The following EYS variants were observed in gnomAD, a reference collection of about 807,000 sequenced individuals.
EYS encodes protein eyes shut homolog.
Under a neutral mutation model 282.1 loss-of-function variants are expected in EYS, and 250 were observed. The observed-to-expected ratio is 0.89, with a 90% confidence interval of 0.80 to 0.98. The LOEUF (loss-of-function observed/expected upper bound fraction) is 0.98, where lower values mean the gene tolerates loss of function less well. Ranked by LOEUF, EYS falls within the 50% of genes least tolerant of loss-of-function variation. The probability of loss-of-function intolerance (pLI) is 0.00; values close to 1 mark genes in which losing one functional copy is unlikely to be tolerated. For missense variants in EYS, 4,016 were observed against 3,709.0 expected (o/e 1.08, Z -2.15); for synonymous variants, 1,355 against 1,282.9 (o/e 1.06, Z -1.20).
chr6:64,478,779 ATAATC>A (rs1176215070), intron 26 of EYS, among the ~76,000 whole-genome samples: 4 of 151,168 alleles, frequency 2.6e-5, no homozygotes, highest in African/African-American at 9.7e-5. Flanking sequence ...TTATTTAAAA[ATAATC>A]TATAGTATAA....
At chr6:65,368,996 C>T (rs546832511) in intron 8 of EYS, among the ~76,000 whole-genome samples, 10 of 151,332 alleles carry the variant, frequency 6.6e-5, no homozygotes, top group African/African-American at 2.4e-4. Flanking sequence ...TTATTTTATG[C>T]TTAATACATC....
intron 31 of EYS, among the ~76,000 whole-genome samples, chr6:64,171,862 C>T (rs372965472): frequency 2.4e-4 from 37 of 152,254 alleles, no homozygotes; most frequent in Admixed American, 6.5e-4. Context: ...CCTGCACAGC[C>T]GGGCTATCAC....
intron 1 of EYS, among the ~76,000 whole-genome samples, chr6:65,699,651 C>T (rs373337217): frequency 2.6e-5 from 4 of 152,086 alleles, no homozygotes; most frequent in Admixed American, 6.5e-5. Flanking sequence ...AGCAAACAGT[C>T]GAGAGAGAAG....
chr6:64,620,994 C>T (rs933553649), intron 23 of EYS, among the ~76,000 whole-genome samples: 2 of 151,980 alleles, frequency 1.3e-5, no homozygotes, highest in Non-Finnish European at 2.9e-5. Context: ...TGACACATTG[C>T]AATAAAATTG....
intron 2 of EYS, among the ~76,000 whole-genome samples, chr6:65,631,044 T>G (rs561051950): frequency 1.3e-5 from 2 of 152,226 alleles, no homozygotes; most frequent in Non-Finnish European, 2.9e-5. Flanking sequence ...ATTTTTCATT[T>G]AAATTATTAA....
intron 35 of EYS, among the ~76,000 whole-genome samples, chr6:63,867,373 AC>A (rs1221513415): frequency 6.6e-6 from 1 of 152,114 alleles, no homozygotes; most frequent in Admixed American, 6.6e-5. Context: ...CCACATAGAA[AC>A]CTTTTTTTGG....
At chr6:64,005,738 T>C (rs1768314015) in intron 33 of EYS, among the ~76,000 whole-genome samples, 1 of 152,142 alleles carries the variant, frequency 6.6e-6, no homozygotes, top group African/African-American at 2.4e-5. Flanking sequence ...CCTTTCCCAT[T>C]GCTTTTTTTG....
intron 5 of EYS, among the ~76,000 whole-genome samples, chr6:65,485,098 A>G (rs377534643): frequency 3.2e-4 from 48 of 152,312 alleles, no homozygotes; most frequent in African/African-American, 1.1e-3. Flanking sequence ...TACAATAAAT[A>G]CTTACTTTTT....
chr6:64,862,140 C>G lies in EYS; in HGVS notation c.2992+24557G>C, dbSNP rs578058571. ...TTCATCTCACTCTCTTTCTACTTCT[C>G]TGATTTCGCATGTGAAGTCAGGTGC... On this transcript the variant is annotated intron_variant, in intron 19 of 42. Coordinates refer to ENST00000503581, the MANE Select transcript of EYS (RefSeq NM_001142800.2). Among the ~76,000 whole-genome samples the G allele has an allele frequency of 9.2e-5, 14 of 152,326 alleles. No individual in the cohort carries two copies. In the South Asian group the frequency reaches 2.7e-3, roughly 29 times the overall value.
intron 40 of EYS, among the ~76,000 whole-genome samples, chr6:63,763,900 A>T (rs1321665019): frequency 2.3e-5 from 3 of 130,408 alleles, no homozygotes; most frequent in Non-Finnish European, 4.9e-5. Flanking sequence ...ATATATATAT[A>T]TTTGATAAAC....
chr6:64,332,397 C>T (rs1260988252), intron 29 of EYS, among the ~76,000 whole-genome samples: 1 of 152,198 alleles, frequency 6.6e-6, no homozygotes. Flanking sequence ...CTGTTAGTCT[C>T]ACAGATGCAG....
chr6:65,609,307 G>A (rs1582514407), intron 2 of EYS, among the ~76,000 whole-genome samples: 1 of 147,298 alleles, frequency 6.8e-6, no homozygotes, highest in South Asian at 2.2e-4. Context: ...AACTTTACCT[G>A]GTGTACAACT....
chr6:65,368,274 A>T (rs1029625033), intron 8 of EYS, among the ~76,000 whole-genome samples: 3 of 151,584 alleles, frequency 2.0e-5, no homozygotes, highest in African/African-American at 4.8e-5. Flanking sequence ...TTGGGTAGGG[A>T]CACAGAAAAA....
At chr6:64,045,736 C>A (rs2149840332) in intron 33 of EYS, among the ~76,000 whole-genome samples, 1 of 151,158 alleles carries the variant, frequency 6.6e-6, no homozygotes, top group Middle Eastern at 3.5e-3. Flanking sequence ...CGTGAGCCAC[C>A]ATGCTTGGCC....
intron 11 of EYS, chr6:65,332,301 G>T (rs968525743): frequency 1.8e-5 from 13 of 706,616 alleles, no homozygotes; most frequent in Admixed American, 8.1e-5. Flanking sequence ...TACATTAATT[G>T]ATTTTAAGCC....
At chr6:65,139,252 T>TA (rs1377594013) in intron 12 of EYS, among the ~76,000 whole-genome samples, 1 of 151,828 alleles carries the variant, frequency 6.6e-6, no homozygotes, top group African/African-American at 2.4e-5. Flanking sequence ...TATGCAGCCA[T>TA]AAAAAAAGAA....
chr6:63,898,648 AAC>A (rs1289643707), intron 35 of EYS, among the ~76,000 whole-genome samples: 1 of 152,190 alleles, frequency 6.6e-6, no homozygotes, highest in Non-Finnish European at 1.5e-5. Context: ...AAAAAGAAGT[AAC>A]ACAGAAATTT....
At chr6:65,159,639 C>T (rs996888200) in intron 12 of EYS, among the ~76,000 whole-genome samples, 1 of 150,784 alleles carries the variant, frequency 6.6e-6, no homozygotes, top group African/African-American at 2.4e-5. Context: ...TTAATATCTA[C>T]TTCCGTAGGT....
chr6:65,458,712 C>G (rs1263321456), intron 5 of EYS, among the ~76,000 whole-genome samples: 1 of 152,022 alleles, frequency 6.6e-6, no homozygotes, highest in African/African-American at 2.4e-5. Context: ...AGGGTATACC[C>G]AATCTAAGCT....
Sources: gnomAD v4.1 joint callset for allele counts (sites outside exome capture counted in the v4.1 genomes callset) on GRCh38, gnomAD v4.1.1 for gene constraint, MANE v1.5 for transcripts, NCBI Gene and HGNC (gene_info 2026-07-23, HGNC 2026-07-21) for gene names.